Variants in LOXHD1 observed in about 807,000 individuals in gnomAD.
LOXHD1 encodes lipoxygenase homology PLAT domains 1.
Under a neutral mutation model 248.2 loss-of-function variants are expected in LOXHD1, and 205 were observed. The ratio of observed to expected loss-of-function variants is 0.83; its 90% confidence interval spans 0.74 to 0.93. The LOEUF is 0.93. Among genes scored for constraint, LOXHD1 ranks in the 40% least tolerant of loss-of-function variants. The pLI, the probability that LOXHD1 is intolerant of heterozygous loss-of-function variation, is 0.00. For synonymous variants in LOXHD1, 1,113 were observed against 1,162.8 expected (o/e 0.96, Z 0.87); for missense variants, 2,930 against 2,971.6 (o/e 0.99, Z 0.33).
chr18:46,507,341 A>G (rs1053126959), intron 36 of LOXHD1, among the ~76,000 whole-genome samples, 197 bp downstream of exon 36: 1 of 152,124 alleles, frequency 6.6e-6, no homozygotes, highest in Non-Finnish European at 1.5e-5. Flanking sequence ...CCAAGGGAGG[A>G]GGGAGGGAAC....
chr18:46,573,022 CAAAAAAAAAAAAA>C (rs71162809), intron 14 of LOXHD1, among the ~76,000 whole-genome samples: 2 of 57,376 alleles, frequency 3.5e-5, no homozygotes, highest in African/African-American at 8.2e-5. Context: ...GACTCCGTCT[CAAAAAAAAAAAAA>C]AAAAAAAAAA....
intron 17 of LOXHD1, among the ~76,000 whole-genome samples, chr18:46,563,979 G>A (rs539300759): frequency 2.0e-5 from 3 of 152,210 alleles, no homozygotes; most frequent in Admixed American, 6.5e-5. Flanking sequence ...TACAAAAGAC[G>A]AAAAGCAATT....
intron 31 of LOXHD1, among the ~76,000 whole-genome samples, chr18:46,522,774 T>C (rs2035642267): frequency 6.6e-6 from 1 of 152,182 alleles, no homozygotes; most frequent in Non-Finnish European, 1.5e-5. Context: ...ACATAGTGAA[T>C]GAAAGTCCTA....
chr18:46,489,090 G>A lies in LOXHD1; in HGVS notation c.5931C>T (p.Arg1977=), dbSNP rs748789925. ...LSYVDVKDNS[R]DETFHFQCDC... ...CACACTGGAAGTGGAAGGTCTCGTC[G>A]CGGGAGTTGTCCTTCACATCGACAT... Residue 1977 remains arginine, a synonymous_variant, in exon 38 of 41, where the codon CGC becomes CGT. Coordinates refer to ENST00000642948, the MANE Select transcript of LOXHD1 (RefSeq NM_001384474.1). The A allele has an allele frequency of 1.4e-5, 21 of 1,551,580 alleles. No individual in the cohort carries two copies. Among genetic ancestry groups the A allele is most frequent in the Middle Eastern group, 1.7e-4 (1 of 6,014 alleles).
chr18:46,559,952 G>A, intron 19 of LOXHD1, 131 bp downstream of exon 19: 1 of 945,892 alleles, frequency 1.1e-6, no homozygotes, highest in Non-Finnish European at 1.6e-6. Context: ...AGCTATTTGG[G>A]AACCATGATG....
At chr18:46,575,613 T>G (rs1351844128) in intron 14 of LOXHD1, among the ~76,000 whole-genome samples, 1 of 152,140 alleles carries the variant, frequency 6.6e-6, no homozygotes, top group Non-Finnish European at 1.5e-5. Flanking sequence ...GCCAGTGAAC[T>G]CTGGAGGCTG....
At chr18:46,616,064 C>T (rs149702627) in intron 5 of LOXHD1, among the ~76,000 whole-genome samples, 1 of 152,260 alleles carries the variant, frequency 6.6e-6, no homozygotes, top group East Asian at 1.9e-4. Flanking sequence ...CATTTATTCT[C>T]AGACTTTCTG....
chr18:46,595,958 G>A (rs2038250755), intron 8 of LOXHD1, among the ~76,000 whole-genome samples: 1 of 152,050 alleles, frequency 6.6e-6, no homozygotes. Context: ...CCTGAACATG[G>A]TTCTAAACAT....
chr18:46,478,093 A>C, intron 40 of LOXHD1, 141 bp from the exon 41 acceptor site: 1 of 1,133,340 alleles, frequency 8.8e-7, no homozygotes, highest in East Asian at 2.6e-5. Context: ...ATGTTGGTTT[A>C]AATGTGCGTA....
chr18:46,645,180 G>A (rs1275306768), intron 2 of LOXHD1, among the ~76,000 whole-genome samples: 1 of 152,202 alleles, frequency 6.6e-6, no homozygotes, highest in Admixed American at 6.5e-5. Context: ...AATGCCTGTG[G>A]GTTTCAGAAA....
At chr18:46,570,527 G>C (rs2037732193) in intron 15 of LOXHD1, among the ~76,000 whole-genome samples, 1 of 152,212 alleles carries the variant, frequency 6.6e-6, no homozygotes, top group South Asian at 2.1e-4. Flanking sequence ...GTCTGCTCCA[G>C]ATCAGCTCCA....
chr18:46,570,991 A>T (rs1285554874), intron 15 of LOXHD1, among the ~76,000 whole-genome samples: 1 of 152,178 alleles, frequency 6.6e-6, no homozygotes, highest in Non-Finnish European at 1.5e-5. Context: ...TACTGGTCCC[A>T]GCCCCATCAC....
chr18:46,579,028 TA>T (rs1255791047), intron 13 of LOXHD1, among the ~76,000 whole-genome samples: 1 of 152,262 alleles, frequency 6.6e-6, no homozygotes, highest in Non-Finnish European at 1.5e-5. Context: ...AACACAACTG[TA>T]ATGAGGCTAG....
chr18:46,521,940 C>G (rs559283234), intron 32 of LOXHD1, among the ~76,000 whole-genome samples, 161 bp downstream of exon 32: 1 of 152,216 alleles, frequency 6.6e-6, no homozygotes, highest in Admixed American at 6.5e-5. Flanking sequence ...GGTGGCTCAC[C>G]CAAAGTCACC....
intron 38 of LOXHD1, among the ~76,000 whole-genome samples, 190 bp from the exon 39 acceptor site, chr18:46,485,341 G>A (rs528592921): frequency 6.6e-6 from 1 of 152,114 alleles, no homozygotes; most frequent in African/African-American, 2.4e-5. Context: ...TGGGGCTACA[G>A]CGAATGCTCT....
intron 4 of LOXHD1, among the ~76,000 whole-genome samples, chr18:46,618,551 C>A (rs1034726688): frequency 6.6e-6 from 1 of 152,208 alleles, no homozygotes; most frequent in Non-Finnish European, 1.5e-5. Context: ...GGATGTATGA[C>A]CATCACTGTA....
At chr18:46,552,539 G>A (rs576659964) in intron 21 of LOXHD1, among the ~76,000 whole-genome samples, 7 of 152,142 alleles carry the variant, frequency 4.6e-5, no homozygotes, top group African/African-American at 1.2e-4. Flanking sequence ...GCTGAGACCC[G>A]GACTGCCATC....
At position 46,524,533 on chromosome 18, in the gene LOXHD1, G is replaced by A. The variant is rs2144164017; in HGVS notation, c.4809C>T (p.Ser1603=). 2 of 1,551,724 alleles carry A rather than the reference G, an allele frequency of 1.3e-6. No individual in the cohort carries two copies. Among genetic ancestry groups the A allele is most frequent in the Non-Finnish European group, 1.7e-6 (2 of 1,147,004 alleles). Residue 1603 remains serine (S), a synonymous_variant, in exon 31 of 41, where the codon TCC becomes TCT. Transcript: ENST00000642948. Reference sequence around the variant, plus strand: ...TGCTGATGTCGACATCGGCCATCTTGGAGCTCAGGGCGATCTCCCAGAAGT... The same window carrying A: ...TGCTGATGTCGACATCGGCCATCTTAGAGCTCAGGGCGATCTCCCAGAAGT... ...PADFWEIALS[S]KMADVDISTV...
At chr18:46,578,377 T>C (rs2037899517) in intron 13 of LOXHD1, among the ~76,000 whole-genome samples, 1 of 152,082 alleles carries the variant, frequency 6.6e-6, no homozygotes, top group African/African-American at 2.4e-5. Flanking sequence ...GAAGGTGGGA[T>C]TGATGGACAA....
Sources: allele counts gnomAD v4.1 joint callset (sites outside exome capture counted in the v4.1 genomes callset), GRCh38; gene constraint gnomAD v4.1.1; transcripts MANE v1.5; gene names NCBI Gene and HGNC (gene_info 2026-07-23, HGNC 2026-07-21).